Variants in CSMD1 observed in about 807,000 individuals in gnomAD.
CSMD1 encodes CUB and Sushi multiple domains 1, also known as CUB and sushi domain-containing protein 1.
A neutral mutation model predicts 417.5 loss-of-function variants in CSMD1; 213 were observed. That is an observed-to-expected ratio of 0.51 (90% CI 0.46 to 0.57). CSMD1 has a LOEUF of 0.57. CSMD1 is among the 20% of genes least tolerant of loss of function. CSMD1 has a pLI of 0.00. For synonymous variants in CSMD1, 2,862 were observed against 1,736.8 expected (o/e 1.65, Z -16.11); for missense variants, 6,923 against 4,529.7 (o/e 1.53, Z -15.17).
At chr8:3,353,752 A>G (rs1273880825) in intron 21 of CSMD1, among the ~76,000 whole-genome samples, 2 of 80,488 alleles carry the variant, frequency 2.5e-5, no homozygotes, top group African/African-American at 3.5e-5. Flanking sequence ...ATACTAATTT[A>G]AGATGAATGA....
At chr8:4,848,639 A>C (rs1801287702) in intron 1 of CSMD1, among the ~76,000 whole-genome samples, 4 of 151,542 alleles carry the variant, frequency 2.6e-5, no homozygotes, top group Admixed American at 2.6e-4. Context: ...TTCTTGGTTC[A>C]AGCAATTATC....
chr8:4,969,166 G>C (rs536717491), intron 1 of CSMD1, among the ~76,000 whole-genome samples: 1 of 152,184 alleles, frequency 6.6e-6, no homozygotes, highest in African/African-American at 2.4e-5. Context: ...ATTATCATGG[G>C]ATTGCGTGTG....
At chr8:4,346,734 A>G (rs1421500955) in intron 3 of CSMD1, among the ~76,000 whole-genome samples, 1 of 152,176 alleles carries the variant, frequency 6.6e-6, no homozygotes, top group Non-Finnish European at 1.5e-5. Context: ...TATTTTAGAT[A>G]TAAAAATAAA....
rs369674537 is a variant in CSMD1, at chr8:4,142,155, G to C, written c.416-110056C>G. The stretch of plus-strand genomic sequence containing the variant: ...CATATGTAAAACATATGTTAAAAAT[G>C]ATACTGGTGAATACCATCATGACTC... On this transcript the variant is annotated intron_variant, in intron 3 of 69. Transcript: ENST00000635120. Among the ~76,000 whole-genome samples the C allele has an allele frequency of 3.3e-5, 5 of 151,154 alleles. No homozygotes were observed. The East Asian group carries it at 5.8e-4, about 17-fold the overall frequency.
intron 3 of CSMD1, among the ~76,000 whole-genome samples, chr8:4,068,733 G>C (rs184479123): frequency 1.3e-5 from 2 of 152,184 alleles, no homozygotes; most frequent in Middle Eastern, 3.4e-3. Flanking sequence ...CTATGCCTGC[G>C]CTGTGTATTT....
chr8:4,205,711 G>T (rs902838308), intron 3 of CSMD1, among the ~76,000 whole-genome samples: 2 of 126,418 alleles, frequency 1.6e-5, no homozygotes, highest in Non-Finnish European at 1.7e-5. Flanking sequence ...CCAAATAATA[G>T]AGGTTTATTT....
chr8:4,489,024 T>A (rs1016966144), intron 2 of CSMD1, among the ~76,000 whole-genome samples: 2 of 152,170 alleles, frequency 1.3e-5, no homozygotes, highest in African/African-American at 4.8e-5. Flanking sequence ...AATTCCCCTG[T>A]CTCAGCCTCC....
chr8:3,602,248 A>G (rs1465132107), intron 8 of CSMD1, among the ~76,000 whole-genome samples: 1 of 152,110 alleles, frequency 6.6e-6, no homozygotes, highest in Non-Finnish European at 1.5e-5. Flanking sequence ...GGGTAACTGG[A>G]GTGTGTTTAA....
At chr8:3,974,417 G>A (rs1181047730) in intron 5 of CSMD1, among the ~76,000 whole-genome samples, 3 of 151,794 alleles carry the variant, frequency 2.0e-5, no homozygotes, top group African/African-American at 7.3e-5. Context: ...TTTTCACTTC[G>A]ACCAGGATAT....
intron 2 of CSMD1, among the ~76,000 whole-genome samples, chr8:4,597,157 C>G (rs908222637): frequency 1.3e-5 from 2 of 152,008 alleles, no homozygotes; most frequent in Non-Finnish European, 2.9e-5. Flanking sequence ...GTTTCCTCTC[C>G]TCAGTCAAAA....
intron 12 of CSMD1, among the ~76,000 whole-genome samples, chr8:3,436,086 C>G (rs1814540743): frequency 6.6e-6 from 1 of 152,166 alleles, no homozygotes; most frequent in South Asian, 2.1e-4. Context: ...TGGTTCCACC[C>G]TAAGGAGCAG....
chr8:4,795,210 A>G (rs1456814098), intron 1 of CSMD1, among the ~76,000 whole-genome samples: 3 of 139,504 alleles, frequency 2.2e-5, no homozygotes, highest in African/African-American at 8.0e-5. Context: ...TCACATATTG[A>G]GGTGCAATCA....
intron 2 of CSMD1, among the ~76,000 whole-genome samples, chr8:4,519,623 C>G (rs1803319512): frequency 1.3e-5 from 2 of 150,426 alleles, no homozygotes; most frequent in Admixed American, 6.6e-5. Context: ...ACCTATAATC[C>G]CAGCTACTCC....
chr8:3,476,249 A>G (rs1563074755), intron 11 of CSMD1, among the ~76,000 whole-genome samples: 1 of 152,198 alleles, frequency 6.6e-6, no homozygotes, highest in Non-Finnish European at 1.5e-5. Context: ...TCTTTCATCA[A>G]CATAACCCAC....
At chr8:4,031,346 A>G (rs972907591) in intron 4 of CSMD1, among the ~76,000 whole-genome samples, 1 of 152,228 alleles carries the variant, frequency 6.6e-6, no homozygotes, top group African/African-American at 2.4e-5. Flanking sequence ...GCAGAAGGCA[A>G]GGAGGAGCAC....
chr8:3,427,198 A>G (rs1253036799), intron 12 of CSMD1, among the ~76,000 whole-genome samples: 10 of 152,188 alleles, frequency 6.6e-5, no homozygotes, highest in Admixed American at 6.5e-4. Flanking sequence ...CAGCCAAACT[A>G]TATCACTGAA....
At chr8:4,003,684 C>G (rs1266431215) in intron 4 of CSMD1, among the ~76,000 whole-genome samples, 1 of 152,028 alleles carries the variant, frequency 6.6e-6, no homozygotes, top group African/African-American at 2.4e-5. Context: ...TTGTATGTTC[C>G]TAATATCAAC....
chr8:3,429,904 G>C (rs918308434), intron 12 of CSMD1, among the ~76,000 whole-genome samples: 10 of 152,106 alleles, frequency 6.6e-5, no homozygotes. Context: ...GATCACACCA[G>C]GGGCACTGGC....
intron 45 of CSMD1, 38 bp downstream of exon 45, chr8:3,107,680 G>C (rs763983473): frequency 1.7e-6 from 2 of 1,177,970 alleles, no homozygotes; most frequent in Admixed American, 1.9e-5. Context: ...AAAAAATGTC[G>C]TGCTGAATTC....
Sources: allele counts gnomAD v4.1 joint callset (sites outside exome capture counted in the v4.1 genomes callset), GRCh38; gene constraint gnomAD v4.1.1; transcripts MANE v1.5; gene names NCBI Gene and HGNC (gene_info 2026-07-23, HGNC 2026-07-21).